SYT13: variants seen among roughly 807,000 people sequenced by gnomAD.
SYT13 encodes synaptotagmin-13.
A neutral mutation model predicts 38.6 loss-of-function variants in SYT13; 21 were observed. That is an observed-to-expected ratio of 0.54 (90% CI 0.39 to 0.78). The LOEUF is 0.78. Among genes scored for constraint, SYT13 ranks in the 30% least tolerant of loss-of-function variants. The pLI is 0.00. For missense variants in SYT13, 495 were observed against 548.7 expected, an observed-to-expected ratio of 0.90 and a Z score of 0.98; for synonymous variants, 241 against 237.6, an observed-to-expected ratio of 1.01 and a Z score of -0.13.
Position 45,244,102 on chromosome 11 carries a change from G to A in SYT13, c.1231C>T (p.Leu411Phe), listed in dbSNP as rs1035362217. 6 of 1,611,338 alleles carry A rather than the reference G, an allele frequency of 3.7e-6. No homozygotes were observed. The highest frequency in any genetic ancestry group is 1.1e-5 in the South Asian group (1 of 91,028). Residue 411 changes from leucine (L) to phenylalanine (F), a missense_variant, in exon 6 of 6, where the codon CTC (leucine) becomes TTC (phenylalanine). Leu to Phe is a conservative substitution (Grantham distance 22). Transcript: ENST00000020926. ...GCAATCTGCCGGCGAGGGTTTTTGA[G>A]CATCTCCTCCCAGTGGCTGCGCTCA... The part of the protein sequence containing the change: ...GSERSHWEEM[L>F]KNPRRQIAMW...
intron 2 of SYT13, among the ~76,000 whole-genome samples, chr11:45,255,161 C>T (rs780771309): frequency 2.6e-5 from 4 of 152,016 alleles, no homozygotes; most frequent in African/African-American, 4.8e-5. Context: ...CAACAAAAAA[C>T]CCAATATGTT....
At position 45,242,867 on chromosome 11, in the gene SYT13, A is replaced by G. The variant is rs546232466; in HGVS notation, c.*1185T>C. On this transcript the variant is annotated 3_prime_UTR_variant, in exon 6 of 6. Coordinates refer to ENST00000020926, the MANE Select transcript of SYT13 (RefSeq NM_020826.3). Reference sequence around the variant, plus strand: ...ATGTGGACATCTGTTTAGAATAACAAGGTAGGAATTCAAAACCTAGCTGCT... The same window carrying G: ...ATGTGGACATCTGTTTAGAATAACAGGGTAGGAATTCAAAACCTAGCTGCT... 1 of 152,246 alleles carries G rather than the reference A, an allele frequency of 6.6e-6. No homozygotes were observed. The highest frequency in any genetic ancestry group is 2.4e-5 in the African/African-American group (1 of 41,472). The allele number at this position is 152,246 out of a possible 1,614,324, so 9.4% of individuals were successfully genotyped here.
At chr11:45,278,677 C>A (rs1482634952) in intron 1 of SYT13, among the ~76,000 whole-genome samples, 4 of 152,100 alleles carry the variant, frequency 2.6e-5, no homozygotes, top group Non-Finnish European at 5.9e-5. Context: ...AAGAGAAGAG[C>A]CATGTATCTG....
chr11:45,249,551 C>T (rs534129692), intron 4 of SYT13, among the ~76,000 whole-genome samples: 5 of 152,232 alleles, frequency 3.3e-5, no homozygotes, highest in East Asian at 1.9e-4. Context: ...ATATACAGCA[C>T]GGAATACTAT....
At chr11:45,272,676 G>T (rs1242402014) in intron 1 of SYT13, among the ~76,000 whole-genome samples, 2 of 152,204 alleles carry the variant, frequency 1.3e-5, no homozygotes. Flanking sequence ...ATCATGGAAG[G>T]TCAGTGATAT....
At chr11:45,260,650 G>A (rs572026062) in intron 1 of SYT13, among the ~76,000 whole-genome samples, 1 of 152,198 alleles carries the variant, frequency 6.6e-6, no homozygotes, top group Non-Finnish European at 1.5e-5. Flanking sequence ...GATGAATGAG[G>A]GAAGATTTCC....
intron 1 of SYT13, among the ~76,000 whole-genome samples, chr11:45,262,072 T>G (rs773688300): frequency 6.6e-6 from 1 of 152,234 alleles, no homozygotes; most frequent in Non-Finnish European, 1.5e-5. Flanking sequence ...AATCCAAATA[T>G]CTATGAACAG....
At position 45,252,577 on chromosome 11, in the gene SYT13, C is replaced by A. The variant is rs546984085; in HGVS notation, c.690G>T (p.Ala230=). The change falls in exon 4 of 6, where the codon GCG becomes GCT. Residue 230 remains alanine, a synonymous_variant. Coordinates refer to ENST00000020926, the MANE Select transcript of SYT13 (RefSeq NM_020826.3). This position sits in a 1 kb window ranked among gnomAD's most constrained non-coding sequence, Gnocchi z 4.3. ...TWEEGLVLPL[A]EEELPTATLT... is the part of the protein sequence containing the mutation. ...GGGTGGCTGTGGGGAGCTCCTCCTC[C>A]GCCAGGGGGAGCACCAGGCCCTCCT... 6.2e-7 allele frequency: 1 copy of A among 1,614,138 alleles called. No individual in the cohort carries two copies. The highest frequency in any genetic ancestry group is 8.5e-7 in the Non-Finnish European group (1 of 1,180,026).
Position 45,286,026 on chromosome 11 carries a change from T to G in SYT13, c.182A>C (p.Gln61Pro). ...AKPSLLGSAQ[Q>P]FNVKKSTEPV... Reference sequence around the variant, plus strand: ...GGCCTGCGCGCCGCCCCCGCTCACCTGTTGTGCAGACCCGAGCAAGCTGGG... The same window carrying G: ...GGCCTGCGCGCCGCCCCCGCTCACCGGTTGTGCAGACCCGAGCAAGCTGGG... The change falls in exon 1 of 6, where the codon CAG (glutamine) becomes CCG (proline). Residue 61 changes from glutamine to proline, a missense_variant and splice_region_variant. Gln to Pro is a moderately conservative substitution (Grantham distance 76, BLOSUM62 -1). Transcript: ENST00000020926. 6.2e-7 allele frequency: 1 copy of G among 1,607,088 alleles called. No homozygotes were observed. The highest frequency in any genetic ancestry group is 8.5e-7 in the Non-Finnish European group (1 of 1,179,456).
chr11:45,276,712 T>TA lies in SYT13; in HGVS notation c.183+9312dup, dbSNP rs202057732. On this transcript the variant is annotated intron_variant, in intron 1 of 5. Transcript: ENST00000020926. ...CTTTGCACCCAGTAGGATGACTTTT[T>TA]AAAAAAAAAAAATAAATAAAATAAA... 5.9e-3 allele frequency among the ~76,000 whole-genome samples: 777 copies of TA among 131,382 alleles called. 8 individuals carry two copies. Among genetic ancestry groups the TA allele is most frequent in the African/African-American group, 0.017 (623 of 37,062 alleles). 86.2% of individuals were successfully genotyped at this position (131,382 alleles called of 152,430 possible). A position where few individuals can be genotyped will look rare whatever the true frequency, so the allele number is the denominator to read the frequency against.
intron 1 of SYT13, among the ~76,000 whole-genome samples, chr11:45,260,763 C>G (rs532885126): frequency 1.3e-3 from 196 of 152,282 alleles, no homozygotes; most frequent in African/African-American, 4.5e-3. Context: ...GTGCATCAGA[C>G]CCCTCAAATG....
At chr11:45,285,288 C>A (rs1011373634) in intron 1 of SYT13, among the ~76,000 whole-genome samples, 3 of 152,204 alleles carry the variant, frequency 2.0e-5, no homozygotes, top group African/African-American at 7.2e-5. Flanking sequence ...ATTTCCTGCA[C>A]GAAGGGGCTC....
At chr11:45,259,331 T>G (rs1854788751) in intron 1 of SYT13, among the ~76,000 whole-genome samples, 1 of 152,206 alleles carries the variant, frequency 6.6e-6, no homozygotes, top group African/African-American at 2.4e-5. Context: ...AATTCAATCG[T>G]CTGAGAAAAG....
At chr11:45,247,235 A>G (rs1345530614) in intron 4 of SYT13, among the ~76,000 whole-genome samples, 1 of 152,200 alleles carries the variant, frequency 6.6e-6, no homozygotes, top group Non-Finnish European at 1.5e-5. Flanking sequence ...GACAAGAATG[A>G]CCGAAAGACC....
intron 1 of SYT13, among the ~76,000 whole-genome samples, chr11:45,265,014 A>G (rs912425671): frequency 1.3e-5 from 2 of 152,256 alleles, no homozygotes; most frequent in African/African-American, 4.8e-5. Flanking sequence ...AAAGGAAAAC[A>G]TGAATCTGCA....
chr11:45,270,163 G>A (rs60503886), intron 1 of SYT13, among the ~76,000 whole-genome samples: 4 of 152,244 alleles, frequency 2.6e-5, no homozygotes, highest in Admixed American at 6.5e-5. Flanking sequence ...CTGTCCCACT[G>A]TACTGGTTTA....
At chr11:45,268,974 T>C (rs1160644255) in intron 1 of SYT13, among the ~76,000 whole-genome samples, 4 of 152,134 alleles carry the variant, frequency 2.6e-5, no homozygotes, top group Non-Finnish European at 5.9e-5. Context: ...AGGGGGATTA[T>C]TAGAGTAATA....
Position 45,246,444 on chromosome 11 carries a change from C to G in SYT13, c.915G>C (p.Leu305=). 1 of 1,614,116 alleles carries G rather than the reference C, an allele frequency of 6.2e-7. No individual in the cohort carries two copies. Among genetic ancestry groups the G allele is most frequent in the Non-Finnish European group, 8.5e-7 (1 of 1,180,026 alleles). The change falls in exon 5 of 6, where the codon CTG becomes CTC. Residue 305 remains leucine (L), a synonymous_variant. Transcript: ENST00000020926. ...GGTTCTTGGCTTTAATCAGCACCAC[C>G]AGGAGGCGGTTGGCAGCCGGGAGGT... ...ISYLPAANRL[L]VVLIKAKNLH... is the part of the protein sequence containing the mutation.
chr11:45,272,202 G>T (rs1164229464), intron 1 of SYT13, among the ~76,000 whole-genome samples: 1 of 152,146 alleles, frequency 6.6e-6, no homozygotes, highest in South Asian at 2.1e-4. Context: ...TCAGGGGTGG[G>T]GTGGTTGGGG....
Sources: allele counts gnomAD v4.1 joint callset (sites outside exome capture counted in the v4.1 genomes callset), GRCh38; gene constraint gnomAD v4.1.1; non-coding constraint Gnocchi (gnomAD v3.1); transcripts MANE v1.5; gene names NCBI Gene and HGNC (gene_info 2026-07-23, HGNC 2026-07-21).